The following LMO3 variants were observed in gnomAD, a reference collection of about 807,000 sequenced individuals.
LMO3 encodes the protein LIM domain only 3.
A neutral mutation model predicts 15.8 loss-of-function variants in LMO3; 2 were observed. The ratio of observed to expected loss-of-function variants is 0.13; its 90% CI spans 0.05 to 0.40. The LOEUF (loss-of-function observed/expected upper bound fraction) is 0.40. Among genes scored for constraint, LMO3 ranks in the 10% least tolerant of loss-of-function variants. The pLI, the probability that LMO3 is intolerant of heterozygous loss-of-function variation, is 0.99. For synonymous variants in LMO3, 62 were observed against 63.8 expected (o/e 0.97, Z 0.13); for missense variants, 86 against 182.2 (o/e 0.47, Z 3.04).
chr12:16,551,220 G>A lies in LMO3; in HGVS notation c.*2C>T. The A allele has an allele frequency of 3.2e-6, 5 of 1,570,002 alleles. No homozygotes were observed. The highest frequency in any genetic ancestry group is 4.4e-6 in the Non-Finnish European group (5 of 1,139,812). On this transcript the variant is annotated 3_prime_UTR_variant, in exon 4 of 4. Coordinates refer to ENST00000537304, the MANE Select transcript of LMO3 (RefSeq NM_018640.5). Reference sequence around the variant, plus strand: ...TATTCTTAATGGGGTGATGTTGATAGATCAGCGAACCTGGGGTGCATAACC... The same window carrying A: ...TATTCTTAATGGGGTGATGTTGATAAATCAGCGAACCTGGGGTGCATAACC...
In LMO3 at chr12:16,593,541, C is replaced by A. The variant is rs1478055471; in HGVS notation, c.206+7114G>T. Among the ~76,000 whole-genome samples the A allele has an allele frequency of 6.6e-6, 1 of 151,680 alleles. No homozygotes were observed. The highest frequency in any genetic ancestry group is 2.4e-5 in the African/African-American group (1 of 41,376). On this transcript the variant is annotated intron_variant, in intron 2 of 3. Coordinates refer to ENST00000537304, the MANE Select transcript of LMO3 (RefSeq NM_018640.5). This position sits in a 1 kb window ranked among gnomAD's most constrained non-coding sequence, Gnocchi z 4.2. ...CGAAAAGAGAATCATTACATAACTA[C>A]AAAAATACTGTTGAGAAGAAAAAGG...
Position 16,562,561 on chromosome 12 carries a change from T to C in LMO3, c.207-2023A>G, listed in dbSNP as rs1349688938. 2.0e-5 allele frequency among the ~76,000 whole-genome samples: 3 copies of C among 152,210 alleles called. No homozygotes were observed. The East Asian group carries it at 5.8e-4, about 29-fold the overall frequency. ...CCACACAAACCATTGATCATCAGCC[T>C]ATTACTAGGCAAATGACAGTTAATT... On this transcript the variant is annotated intron_variant, in intron 2 of 3. Coordinates refer to ENST00000537304, the MANE Select transcript of LMO3 (RefSeq NM_018640.5).
rs1753599003 is a variant in LMO3, at chr12:16,582,263, T to C, written c.206+18392A>G. Among the ~76,000 whole-genome samples the C allele has an allele frequency of 6.6e-6, 1 of 152,236 alleles. No homozygotes were observed. The highest frequency in any genetic ancestry group is 2.4e-5 in the African/African-American group (1 of 41,470). ...TATGGTGTTTCTTCCTCCAGTTTGA[T>C]AATACAATGAATTAGATTGAGATAT... On this transcript the variant is annotated intron_variant, in intron 2 of 3. Transcript: ENST00000537304. This position sits in a 1 kb window ranked among gnomAD's most constrained non-coding sequence, Gnocchi z 4.1.
chr12:16,566,666 CTTA>C (rs1294527276), intron 2 of LMO3, among the ~76,000 whole-genome samples: 2 of 152,036 alleles, frequency 1.3e-5, no homozygotes, highest in African/African-American at 4.8e-5. Context: ...TTAACTCTAG[CTTA>C]TTTAGTTCAG....
intron 3 of LMO3, among the ~76,000 whole-genome samples, chr12:16,554,893 C>T (rs1385240891): frequency 6.6e-6 from 1 of 152,122 alleles, no homozygotes; most frequent in Non-Finnish European, 1.5e-5. Flanking sequence ...CTCCCAACCT[C>T]GTGATCCGCC....
chr12:16,563,169 A>C (rs908596805), intron 2 of LMO3, among the ~76,000 whole-genome samples: 1 of 152,142 alleles, frequency 6.6e-6, no homozygotes, highest in Non-Finnish European at 1.5e-5. Flanking sequence ...GGAACATTTT[A>C]CTGAACTGTC....
rs1179283211 is a variant in LMO3 at position 16,605,879 on chromosome 12, A to G, written c.-9+187T>C. 6.7e-6 allele frequency: 10 copies of G among 1,493,650 alleles called. No individual in the cohort carries two copies. The Middle Eastern group carries it at 5.1e-4, about 76-fold the overall frequency. The allele number at this position is 1,493,650 out of a possible 1,614,324, so 92.5% of individuals were successfully genotyped here. ...TGAAGCCTCACATGATTTAAACAAA[A>G]CCGTCTCAGTAGAGCTGCAGCCCGA... On this transcript the variant is annotated intron_variant, in intron 1 of 3. Coordinates refer to ENST00000537304, the MANE Select transcript of LMO3 (RefSeq NM_018640.5).
intron 2 of LMO3, chr12:16,567,521 G>T (rs1156774211): frequency 6.6e-6 from 1 of 152,380 alleles, no homozygotes; most frequent in Non-Finnish European, 1.5e-5. Context: ...GAATGACATG[G>T]CATTTCACAA....
In LMO3 at chr12:16,586,603, T is replaced by C. The variant is rs143490041; in HGVS notation, c.206+14052A>G. Reference sequence around the variant, plus strand: ...CACTGCATTTCATCTTTGGACGTCCTTTCTTGGCAGGACCACTTGTCTCCC... The same window carrying C: ...CACTGCATTTCATCTTTGGACGTCCCTTCTTGGCAGGACCACTTGTCTCCC... On this transcript the variant is annotated intron_variant, in intron 2 of 3. Transcript: ENST00000537304. This position sits in a 1 kb window ranked among gnomAD's most constrained non-coding sequence, Gnocchi z 4.3. Among the ~76,000 whole-genome samples, 12 of 152,336 alleles carry C rather than the reference T, an allele frequency of 7.9e-5. No homozygotes were observed. Among genetic ancestry groups the C allele is most frequent in the African/African-American group, 2.9e-4 (12 of 41,594 alleles).
chr12:16,592,691 G>T (rs1478078865), intron 2 of LMO3, among the ~76,000 whole-genome samples: 2 of 151,662 alleles, frequency 1.3e-5, no homozygotes, highest in African/African-American at 4.8e-5. Flanking sequence ...AAAAATAAGT[G>T]GTATGCTTAA....
chr12:16,563,374 G>A (rs540522591), intron 2 of LMO3, among the ~76,000 whole-genome samples: 1 of 152,204 alleles, frequency 6.6e-6, no homozygotes, highest in East Asian at 1.9e-4. Context: ...TTTATAAAAT[G>A]GGATTTTCAA....
At chr12:16,579,185 T>C (rs1240872262) in intron 2 of LMO3, among the ~76,000 whole-genome samples, 1 of 152,166 alleles carries the variant, frequency 6.6e-6, no homozygotes, top group Non-Finnish European at 1.5e-5. Flanking sequence ...ATATATATAT[T>C]CCCTTAGATA....
rs79984994 is a variant in LMO3 at position 16,552,711 on chromosome 12, G to C, written c.333-1384C>G. Among the ~76,000 whole-genome samples, 24 of 152,188 alleles carry C rather than the reference G, an allele frequency of 1.6e-4. No individual in the cohort carries two copies. The East Asian group carries it at 1.7e-3, about 11-fold the overall frequency. On this transcript the variant is annotated intron_variant, in intron 3 of 3. Coordinates refer to ENST00000537304, the MANE Select transcript of LMO3 (RefSeq NM_018640.5). ...GCTGATGATGTTGATTGAAAGCACA[G>C]ACTATGCACTGATCTTGAAATCCTA...
Position 16,548,642 on chromosome 12 carries a change from G to T in LMO3, c.*2580C>A, listed in dbSNP as rs1032005132. On this transcript the variant is annotated 3_prime_UTR_variant, in exon 4 of 4. Coordinates refer to ENST00000537304, the MANE Select transcript of LMO3 (RefSeq NM_018640.5). The surrounding 1 kb of genome is among the most constrained non-coding windows in gnomAD (Gnocchi z 4.2). The stretch of plus-strand genomic sequence containing the variant: ...GGCATCAGACAACAAGCTAAATGAC[G>T]TTAGGGCTACACAACACAAAGGGGA... The T allele has an allele frequency of 3.9e-5, 6 of 152,074 alleles. No individual in the cohort carries two copies. Among genetic ancestry groups the T allele is most frequent in the Non-Finnish European group, 8.8e-5 (6 of 67,994 alleles). The allele number at this position is 152,074 out of a possible 1,614,324, so 9.4% of individuals were successfully genotyped here.
chr12:16,567,703 C>G (rs141003651), intron 2 of LMO3: 1 of 152,274 alleles, frequency 6.6e-6, no homozygotes, highest in Non-Finnish European at 1.5e-5. Context: ...GAAACCTACA[C>G]AGCCTGGATG....
intron 2 of LMO3, chr12:16,573,740 A>G (rs1194194488): frequency 6.6e-6 from 1 of 152,148 alleles, no homozygotes; most frequent in Admixed American, 6.5e-5. Flanking sequence ...GCCCTGAGGG[A>G]TTGCAAAACA....
chr12:16,579,032 A>C (rs1943081013), intron 2 of LMO3, among the ~76,000 whole-genome samples: 1 of 152,308 alleles, frequency 6.6e-6, no homozygotes, highest in East Asian at 1.9e-4. Flanking sequence ...AGACTGTATC[A>C]TTGCAAATAG....
At chr12:16,579,872 G>T (rs192321707) in intron 2 of LMO3, among the ~76,000 whole-genome samples, 16 of 152,278 alleles carry the variant, frequency 1.1e-4, no homozygotes, top group African/African-American at 2.4e-4. Flanking sequence ...TTTAGATAAT[G>T]ATTATCCATT....
chr12:16,607,231 T>G (rs1944029332), upstream of LMO3: 1 of 152,410 alleles, frequency 6.6e-6, no homozygotes, highest in African/African-American at 2.4e-5. Flanking sequence ...CATTCACTAA[T>G]GCTGACCCCC....
Sources: allele counts gnomAD v4.1 joint callset (sites outside exome capture counted in the v4.1 genomes callset), GRCh38; gene constraint gnomAD v4.1.1; non-coding constraint Gnocchi (gnomAD v3.1); transcripts MANE v1.5; gene names NCBI Gene and HGNC (gene_info 2026-07-23, HGNC 2026-07-21).